MTUS1: variants seen among roughly 807,000 people sequenced by gnomAD.
MTUS1 encodes the protein microtubule associated scaffold protein 1, also known as microtubule-associated tumor suppressor 1.
MTUS1 carries 109 observed loss-of-function variants against 120.8 expected under a neutral mutation model. The observed-to-expected ratio is 0.90, with a 90% CI of 0.77 to 1.06. The LOEUF is 1.06. Ranked by LOEUF, MTUS1 falls within the 50% of genes least tolerant of loss-of-function variation. The pLI, the probability that MTUS1 is intolerant of heterozygous loss-of-function variation, is 0.00. For missense variants in MTUS1, 2,210 were observed against 1,486.3 expected (o/e 1.49, Z -8.01); for synonymous variants, 737 against 550.5 (o/e 1.34, Z -4.74).
At chr8:17,724,169 T>G (rs765500843) in intron 3 of MTUS1, 9 of 465,484 alleles carry the variant, frequency 1.9e-5, no homozygotes, top group South Asian at 1.4e-4. Context: ...AAAACTGAAA[T>G]AAAAAAATAA....
At chr8:17,674,454 C>CA in intron 8 of MTUS1, 1 of 984,570 alleles carries the variant, frequency 1.0e-6, no homozygotes, top group South Asian at 4.7e-5. Flanking sequence ...AAGAGAAAAG[C>CA]AAAACAAAGC....
intron 10 of MTUS1, 23 bp downstream of exon 10, chr8:17,654,536 TAA>T: frequency 1.4e-6 from 2 of 1,421,320 alleles, no homozygotes; most frequent in Non-Finnish European, 2.0e-6. Flanking sequence ...TTATTCTGTT[TAA>T]AGAGGAAAAA....
intron 4 of MTUS1, among the ~76,000 whole-genome samples, chr8:17,719,568 G>A (rs1210894519): frequency 1.3e-5 from 2 of 152,166 alleles, no homozygotes; most frequent in Non-Finnish European, 1.5e-5. Flanking sequence ...AACATGTTTT[G>A]TGATGTGGAG....
rs189413008 is a variant in MTUS1 at position 17,740,367 on chromosome 8, A to G, written c.2287+3237T>C. Among the ~76,000 whole-genome samples, 387 of 152,370 alleles carry G rather than the reference A, an allele frequency of 2.5e-3. 2 individuals carry two copies. Among genetic ancestry groups the G allele is most frequent in the Middle Eastern group, 0.014 (4 of 294 alleles). ...CTGAAAGGATTTATTGAAAACGCCA[A>G]ATTGGCTGGAACATTTCTGCCGCTT... On this transcript the variant is annotated intron_variant, in intron 3 of 14. Coordinates refer to ENST00000693296, the MANE Select transcript of MTUS1 (RefSeq NM_001363059.2).
intron 5 of MTUS1, among the ~76,000 whole-genome samples, chr8:17,715,143 C>T (rs1445545505): frequency 1.3e-5 from 2 of 151,794 alleles, no homozygotes; most frequent in African/African-American, 2.4e-5. Context: ...TGACCTCAAG[C>T]AATCCACCTG....
At chr8:17,676,798 A>T (rs1052862301) in intron 7 of MTUS1, among the ~76,000 whole-genome samples, 59 of 152,264 alleles carry the variant, frequency 3.9e-4, no homozygotes, top group African/African-American at 1.3e-3. Context: ...CCATATACTA[A>T]ATGAGGTTAT....
chr8:17,769,081 T>A (rs946861306), intron 1 of MTUS1, among the ~76,000 whole-genome samples: 2 of 152,034 alleles, frequency 1.3e-5, no homozygotes, highest in Non-Finnish European at 2.9e-5. Flanking sequence ...AGCAAGCCCC[T>A]AGCTGGTGAT....
At chr8:17,710,156 G>A (rs1208499135) in intron 6 of MTUS1, among the ~76,000 whole-genome samples, 2 of 152,204 alleles carry the variant, frequency 1.3e-5, no homozygotes, top group African/African-American at 2.4e-5. Flanking sequence ...GGTAGTGGTT[G>A]CTGAAGGTTT....
intron 1 of MTUS1, among the ~76,000 whole-genome samples, chr8:17,794,957 T>A (rs1266220320): frequency 6.6e-6 from 1 of 152,174 alleles, no homozygotes; most frequent in Non-Finnish European, 1.5e-5. Flanking sequence ...TAGCTAACAA[T>A]CATGCAAAAA....
intron 8 of MTUS1, among the ~76,000 whole-genome samples, chr8:17,660,752 G>T (rs532756275): frequency 6.6e-6 from 1 of 152,162 alleles, no homozygotes; most frequent in South Asian, 2.1e-4. Flanking sequence ...CATCACTGTG[G>T]TTATGATTTG....
chr8:17,656,794 G>A (rs909426971), intron 8 of MTUS1, among the ~76,000 whole-genome samples: 8 of 151,652 alleles, frequency 5.3e-5, no homozygotes, highest in Admixed American at 3.3e-4. Context: ...TGGACCGGCC[G>A]GGCGCGGTGG....
intron 4 of MTUS1, among the ~76,000 whole-genome samples, chr8:17,717,775 G>A (rs1312950431): frequency 6.6e-6 from 1 of 152,072 alleles, no homozygotes; most frequent in Non-Finnish European, 1.5e-5. Context: ...AGGAGGTGGT[G>A]TGCTGGAAAT....
At chr8:17,654,206 C>G (rs372037176) in intron 10 of MTUS1, 3 of 258,956 alleles carry the variant, frequency 1.2e-5, no homozygotes, top group Non-Finnish European at 2.2e-5. Context: ...CACAGCAACA[C>G]TGCTGTGCAG....
At chr8:17,683,300 C>A (rs1412352239) in intron 7 of MTUS1, among the ~76,000 whole-genome samples, 1 of 152,048 alleles carries the variant, frequency 6.6e-6, no homozygotes, top group Admixed American at 6.6e-5. Flanking sequence ...TTGAAACTGT[C>A]TACTAGTCTG....
chr8:17,676,977 G>T (rs1157610542), intron 7 of MTUS1, among the ~76,000 whole-genome samples: 1 of 152,162 alleles, frequency 6.6e-6, no homozygotes, highest in Non-Finnish European at 1.5e-5. Context: ...AGCTACGGAA[G>T]TCAAGTCTAA....
intron 1 of MTUS1, among the ~76,000 whole-genome samples, chr8:17,769,881 TACACACACACACACACACACACACAC>T (rs56287929): frequency 8.0e-5 from 8 of 99,536 alleles, no homozygotes; most frequent in Non-Finnish European, 9.9e-5. Context: ...ACTCTTTGCT[TACACACACACACACACACACACACAC>T]ACACACACAC....
At chr8:17,684,871 T>G (rs1223362042) in intron 6 of MTUS1, among the ~76,000 whole-genome samples, 1 of 152,176 alleles carries the variant, frequency 6.6e-6, no homozygotes, top group African/African-American at 2.4e-5. Context: ...GTTAAATTGG[T>G]AGAGAAACCT....
chr8:17,723,229 A>C (rs1021345649), intron 4 of MTUS1: 1 of 181,258 alleles, frequency 5.5e-6, no homozygotes, highest in Admixed American at 5.5e-5. Context: ...TTAACTGAAA[A>C]CTTTAACAAA....
intron 1 of MTUS1, among the ~76,000 whole-genome samples, chr8:17,790,610 C>T (rs962770476): frequency 6.6e-6 from 1 of 152,178 alleles, no homozygotes; most frequent in African/African-American, 2.4e-5. Context: ...ATTTAACATT[C>T]GGCTTTACGT....
Sources: allele counts gnomAD v4.1 joint callset (sites outside exome capture counted in the v4.1 genomes callset), GRCh38; gene constraint gnomAD v4.1.1; transcripts MANE v1.5; gene names NCBI Gene and HGNC (gene_info 2026-07-23, HGNC 2026-07-21).